Variants in RTN4IP1 observed in about 807,000 individuals in gnomAD.
RTN4IP1 encodes the protein reticulon 4 interacting protein 1.
In RTN4IP1, 32 loss-of-function variants were observed where a neutral mutation model predicts 46.6. The ratio of observed to expected loss-of-function variants is 0.69; its 90% CI spans 0.52 to 0.92. The LOEUF is 0.92. Ranked by LOEUF, RTN4IP1 falls within the 40% of genes least tolerant of loss-of-function variation. RTN4IP1 has a pLI of 0.00. For missense variants in RTN4IP1, 424 were observed against 485.8 expected, an observed-to-expected ratio of 0.87 and a Z score of 1.20; for synonymous variants, 167 against 161.8, an observed-to-expected ratio of 1.03 and a Z score of -0.24.
intron 7 of RTN4IP1, 121 bp from the exon 8 acceptor site, chr6:106,583,541 C>T (rs530413272): frequency 1.3e-6 from 1 of 741,078 alleles, no homozygotes; most frequent in East Asian, 2.8e-5. Context: ...TTCATGCTGA[C>T]AAAATGTGTG....
intron 3 of RTN4IP1, 111 bp from the exon 4 acceptor site, chr6:106,619,437 T>C (rs899752856): frequency 1.5e-5 from 19 of 1,276,838 alleles, no homozygotes; most frequent in Non-Finnish European, 2.0e-5. Context: ...AACAGGGGTT[T>C]GAATTGTGCA....
intron 8 of RTN4IP1, among the ~76,000 whole-genome samples, chr6:106,580,574 C>T (rs1005018018): frequency 6.6e-6 from 1 of 151,894 alleles, no homozygotes; most frequent in Non-Finnish European, 1.5e-5. Flanking sequence ...CAAAAATTAG[C>T]CAGGTGTGGT....
rs2114691092 is a variant in RTN4IP1 at position 106,629,030 on chromosome 6, C to G, written c.-9G>C. On this transcript the variant is annotated 5_prime_UTR_variant, in exon 1 of 9. Transcript: ENST00000369063. ...GTCTTCAGAAATTCCATTGTAAACACTGGTTGAACTGCGTGCTCAAATTCA... is the reference window on the plus strand; with the variant it reads ...GTCTTCAGAAATTCCATTGTAAACAGTGGTTGAACTGCGTGCTCAAATTCA... 1 of 1,599,744 alleles carries G rather than the reference C, an allele frequency of 6.3e-7. No individual in the cohort carries two copies. Among genetic ancestry groups the G allele is most frequent in the African/African-American group, 1.3e-5 (1 of 74,632 alleles).
chr6:106,629,531 C>T, upstream of RTN4IP1: 8 of 1,008,598 alleles, frequency 7.9e-6, no homozygotes, highest in Non-Finnish European at 1.1e-5. Context: ...AGATCATTTC[C>T]TCGGGCTGCA....
upstream of RTN4IP1, chr6:106,629,661 G>A (rs1299724366): frequency 1.2e-6 from 2 of 1,601,478 alleles, no homozygotes; most frequent in South Asian, 1.1e-5. Flanking sequence ...CTCCTGTGGT[G>A]GCAGGCTGGG....
Position 106,571,915 on chromosome 6 carries a change from A to C in RTN4IP1, c.*81T>G, listed in dbSNP as rs1341604434. Reference sequence around the variant, plus strand: ...ATAATCTAATCTGGAAAAATGTTTGAAAGGGATGGCTAGAAAAAAATTTGG... The same window carrying C: ...ATAATCTAATCTGGAAAAATGTTTGCAAGGGATGGCTAGAAAAAAATTTGG... On this transcript the variant is annotated 3_prime_UTR_variant, in exon 9 of 9. Coordinates refer to ENST00000369063, the MANE Select transcript of RTN4IP1 (RefSeq NM_032730.5). 7.0e-6 allele frequency: 6 copies of C among 856,006 alleles called. No individual in the cohort carries two copies. Among genetic ancestry groups the C allele is most frequent in the African/African-American group, 6.8e-5 (4 of 59,020 alleles). The allele number at this position is 856,006 out of a possible 1,614,324, so 53.0% of individuals were successfully genotyped here. A position where few individuals can be genotyped will look rare whatever the true frequency, so the allele number is the denominator to read the frequency against.
intron 8 of RTN4IP1, among the ~76,000 whole-genome samples, chr6:106,574,439 T>C (rs1219119455): frequency 7.1e-6 from 1 of 140,134 alleles, no homozygotes; most frequent in Non-Finnish European, 1.5e-5. Flanking sequence ...CGAGACTCTG[T>C]CTCCAAAAAA....
chr6:106,580,755 G>A (rs1005043036), intron 8 of RTN4IP1, among the ~76,000 whole-genome samples: 6 of 150,592 alleles, frequency 4.0e-5, no homozygotes, highest in African/African-American at 1.5e-4. Context: ...AATTATAAAT[G>A]CATATCTCTT....
intron 5 of RTN4IP1, among the ~76,000 whole-genome samples, chr6:106,593,044 CCA>C (rs1267121003): frequency 6.6e-6 from 1 of 152,068 alleles, no homozygotes; most frequent in Non-Finnish European, 1.5e-5. Context: ...CATTAAAATG[CCA>C]CATATCTTCA....
chr6:106,619,193 T>C lies in RTN4IP1; in HGVS notation c.620+9A>G, dbSNP rs754262941. ...AGGTTTAGATGCTGCCACTGACTGA[T>C]ACACTTACCGTTTTCCTGTGCAATT... On this transcript the variant is annotated intron_variant, in intron 4 of 8. Coordinates refer to ENST00000369063, the MANE Select transcript of RTN4IP1 (RefSeq NM_032730.5). 2.9e-5 allele frequency: 46 copies of C among 1,613,978 alleles called. No homozygotes were observed. The highest frequency in any genetic ancestry group is 1.2e-4 in the Admixed American group (7 of 60,000).
At position 106,587,812 on chromosome 6, in the gene RTN4IP1, G is replaced by A; in HGVS notation, c.857C>T (p.Pro286Leu). The stretch of plus-strand genomic sequence containing the variant: ...TCCTGACCATTTCTTGAGAAAATCT[G>A]GAGCCCATGTTTCAGTGGATCCGCC... ...NVGGSTETWA[P>L]DFLKKWSGAT... The change falls in exon 7 of 9, where the codon CCA becomes CTA. Residue 286 changes from proline (P) to leucine (L), a missense_variant. Pro to Leu is a moderately conservative substitution (Grantham distance 98). Transcript: ENST00000369063. 6.2e-7 allele frequency: 1 copy of A among 1,613,800 alleles called. No individual in the cohort carries two copies. Among genetic ancestry groups the A allele is most frequent in the Non-Finnish European group, 8.5e-7 (1 of 1,179,920 alleles).
chr6:106,592,300 C>T lies in RTN4IP1; in HGVS notation c.670G>A (p.Val224Ile). 6.2e-7 allele frequency: 1 copy of T among 1,610,436 alleles called. No homozygotes were observed. Among genetic ancestry groups the T allele is most frequent in the Non-Finnish European group, 8.5e-7 (1 of 1,179,164 alleles). ...ACATGAGCATCCCATGCTTTCATTA[C>T]CTGCCCCCCACCAAAAAGAAAAAAA... ...SGGVGTFAIQ[V>I]MKAWDAHVTA... Residue 224 changes from valine to isoleucine, a missense_variant and splice_region_variant, in exon 6 of 9, where the codon GTA (valine) becomes ATA (isoleucine). Val to Ile is a conservative substitution (Grantham distance 29). Coordinates refer to ENST00000369063, the MANE Select transcript of RTN4IP1 (RefSeq NM_032730.5).
intron 6 of RTN4IP1, 77 bp from the exon 7 acceptor site, chr6:106,587,939 C>G: frequency 1.5e-6 from 2 of 1,308,122 alleles, no homozygotes; most frequent in Middle Eastern, 3.8e-4. Flanking sequence ...CTTCCAGTAC[C>G]AGTTGGCTTA....
chr6:106,609,349 G>A (rs1776164860), intron 4 of RTN4IP1, among the ~76,000 whole-genome samples: 2 of 152,192 alleles, frequency 1.3e-5, no homozygotes, highest in African/African-American at 4.8e-5. Context: ...GAGCCCAGGA[G>A]TTGAAGATCA....
intron 6 of RTN4IP1, among the ~76,000 whole-genome samples, chr6:106,590,925 G>C (rs935279225): frequency 6.6e-6 from 1 of 152,016 alleles, no homozygotes; most frequent in Non-Finnish European, 1.5e-5. Flanking sequence ...GGAGCTTTAG[G>C]TTGCTGTTCT....
chr6:106,583,251 G>A lies in RTN4IP1; in HGVS notation c.1083+77C>T, dbSNP rs140723360. The A allele has an allele frequency of 2.5e-4, 291 of 1,150,836 alleles. 2 individuals are homozygous for A. The African/African-American group carries it at 3.6e-3, about 14-fold the overall frequency. The allele number at this position is 1,150,836 out of a possible 1,614,324, so 71.3% of individuals were successfully genotyped here. On this transcript the variant is annotated intron_variant, in intron 8 of 8. Coordinates refer to ENST00000369063, the MANE Select transcript of RTN4IP1 (RefSeq NM_032730.5). Reference sequence around the variant, plus strand: ...CTACCTCTGTAGAGTCCCTACTAACGAGGCTCAGTGGGCAGGTCTACAGGA... The same window carrying A: ...CTACCTCTGTAGAGTCCCTACTAACAAGGCTCAGTGGGCAGGTCTACAGGA...
intron 4 of RTN4IP1, among the ~76,000 whole-genome samples, chr6:106,606,450 T>C (rs1469136110): frequency 1.3e-5 from 2 of 151,878 alleles, no homozygotes; most frequent in Non-Finnish European, 2.9e-5. Flanking sequence ...TAAACAAATA[T>C]AAATAAAAAT....
At chr6:106,592,752 C>T (rs192178394) in intron 5 of RTN4IP1, among the ~76,000 whole-genome samples, 24 of 152,150 alleles carry the variant, frequency 1.6e-4, no homozygotes, top group African/African-American at 3.1e-4. Context: ...GGTGAAACCC[C>T]GTCTCTACTA....
chr6:106,619,903 G>A (rs1340112695), intron 3 of RTN4IP1, among the ~76,000 whole-genome samples: 14 of 150,760 alleles, frequency 9.3e-5, no homozygotes, highest in Admixed American at 1.3e-4. Context: ...AAGCCACCGC[G>A]CCTGGCCTAT....
Sources: allele counts gnomAD v4.1 joint callset (sites outside exome capture counted in the v4.1 genomes callset), GRCh38; gene constraint gnomAD v4.1.1; transcripts MANE v1.5; gene names NCBI Gene and HGNC (gene_info 2026-07-23, HGNC 2026-07-21).